The following ANK2 variants were observed in gnomAD, a reference collection of about 807,000 sequenced individuals.
The protein encoded by ANK2 is ankyrin-2.
Under a neutral mutation model 360.5 loss-of-function variants are expected in ANK2, and 83 were observed. The ratio of observed to expected loss-of-function variants is 0.23; its 90% CI spans 0.19 to 0.28. ANK2 has a LOEUF of 0.28. Among genes scored for constraint, ANK2 ranks in the 10% least tolerant of loss-of-function variants. The pLI, the probability that ANK2 is intolerant of heterozygous loss-of-function variation, is 1.00. For synonymous variants in ANK2, 1,740 were observed against 1,759.5 expected (o/e 0.99, Z 0.28); for missense variants, 4,201 against 4,795.7 (o/e 0.88, Z 3.66).
rs1236538302 is a variant in ANK2, at chr4:112,842,306, G to A, written c.-40+24042G>A. Among the ~76,000 whole-genome samples, 6 of 152,254 alleles carry A rather than the reference G, an allele frequency of 3.9e-5. No homozygotes were observed. The South Asian group carries it at 8.3e-4, about 21-fold the overall frequency. ...ATTACAGGCGTGAGCTACCACGCCCGGCCCAAATTATTTTCAATGTTGACA... is the reference window on the plus strand; with the variant it reads ...ATTACAGGCGTGAGCTACCACGCCCAGCCCAAATTATTTTCAATGTTGACA... On this transcript the variant is annotated intron_variant, in intron 1 of 30. Coordinates refer to the ANK2 transcript ENST00000503271.
chr4:113,249,876 A>G lies in ANK2; in HGVS notation c.990+14A>G, dbSNP rs2045192168. The G allele has an allele frequency of 6.2e-7, 1 of 1,608,714 alleles. No homozygotes were observed. Among genetic ancestry groups the G allele is most frequent in the Non-Finnish European group, 8.5e-7 (1 of 1,175,474 alleles). ...GCAAGGACTAAGGTGAGTCATTATG[A>G]GTAAGATGGGGTCCTAAGAAATCTT... On this transcript the variant is annotated intron_variant, in intron 10 of 45. Coordinates refer to ENST00000357077, the MANE Select transcript of ANK2 (RefSeq NM_001148.6).
At chr4:113,224,120 C>T (rs966997805) in intron 4 of ANK2, among the ~76,000 whole-genome samples, 2 of 152,162 alleles carry the variant, frequency 1.3e-5, no homozygotes, top group South Asian at 2.1e-4. Context: ...AAATCACGCA[C>T]CATCAATTCT....
chr4:112,744,693 A>G, the ANK2 span, among the ~76,000 whole-genome samples: 1 of 152,206 alleles, frequency 6.6e-6, no homozygotes, highest in Admixed American at 6.5e-5. Flanking sequence ...ATACTAGAGC[A>G]TCTTGAATTT....
At chr4:113,197,974 G>A (rs886325586) in intron 3 of ANK2, among the ~76,000 whole-genome samples, 1 of 152,134 alleles carries the variant, frequency 6.6e-6, no homozygotes, top group African/African-American at 2.4e-5. Flanking sequence ...GGAGTTTGAG[G>A]CTGCCACTGT....
chr4:113,249,764 G>A lies in ANK2; in HGVS notation c.892G>A (p.Asp298Asn). The A allele has an allele frequency of 6.2e-7, 1 of 1,614,046 alleles. No individual in the cohort carries two copies. Among genetic ancestry groups the A allele is most frequent in the Non-Finnish European group, 8.5e-7 (1 of 1,180,006 alleles). Residue 298 changes from aspartate (D) to asparagine (N), a missense_variant and splice_region_variant, in exon 10 of 46, where the codon GAT becomes AAT. Physicochemically the swap from Asp to Asn is conservative, Grantham distance 23. Around this residue, in one of 4 missense-constraint regions of ANK2, gnomAD observed 122 missense variants for 239.3 expected, o/e 0.51. Coordinates refer to ENST00000357077, the MANE Select transcript of ANK2 (RefSeq NM_001148.6). ...RGGQIDAKTR[D>N]GLTPLHCAAR... ...CCTAATTCTTTAATTCTTTTGGCAGGATGGGTTGACACCACTTCACTGTGC... is the reference window on the plus strand; with the variant it reads ...CCTAATTCTTTAATTCTTTTGGCAGAATGGGTTGACACCACTTCACTGTGC...
chr4:112,966,332 A>G (rs2037233660), intron 2 of ANK2, among the ~76,000 whole-genome samples: 1 of 151,790 alleles, frequency 6.6e-6, no homozygotes, highest in South Asian at 2.1e-4. Context: ...CTCTTTTAAT[A>G]TATATATTTT....
At chr4:113,144,805 T>G (rs1165475753) in intron 1 of ANK2, among the ~76,000 whole-genome samples, 3 of 146,822 alleles carry the variant, frequency 2.0e-5, no homozygotes, top group Non-Finnish European at 4.5e-5. Flanking sequence ...ATATAAAAAT[T>G]TATATATAAA....
chr4:112,879,322 ACTAGCTCTGGAGC>A (rs1361314276), intron 1 of ANK2, among the ~76,000 whole-genome samples: 3 of 152,176 alleles, frequency 2.0e-5, no homozygotes, highest in African/African-American at 7.2e-5. Context: ...CTCTTGGACC[ACTAGCTCTGGAGC>A]CAGCTGCCGT....
intron 18 of ANK2, among the ~76,000 whole-genome samples, chr4:113,287,252 A>G (rs1478044750): frequency 6.6e-6 from 1 of 152,228 alleles, no homozygotes; most frequent in Admixed American, 6.5e-5. Context: ...TTGATCAGCT[A>G]TTTAAATAAA....
chr4:113,012,165 G>A (rs1266392226), intron 2 of ANK2, among the ~76,000 whole-genome samples: 1 of 152,076 alleles, frequency 6.6e-6, no homozygotes, highest in East Asian at 1.9e-4. Flanking sequence ...GCCATTCAGG[G>A]GAAGGAGGAG....
the ANK2 span, among the ~76,000 whole-genome samples, chr4:112,719,915 G>A: frequency 6.6e-6 from 1 of 152,048 alleles, no homozygotes; most frequent in African/African-American, 2.4e-5. Flanking sequence ...GGCATTTTAG[G>A]CATTTTAGGG....
intron 4 of ANK2, among the ~76,000 whole-genome samples, chr4:113,206,917 A>G (rs572564901): frequency 6.6e-6 from 1 of 152,252 alleles, no homozygotes; most frequent in South Asian, 2.1e-4. Context: ...CCAGCTACTC[A>G]GGAGGCTGAG....
At chr4:113,112,232 G>A (rs189491453) in intron 1 of ANK2, among the ~76,000 whole-genome samples, 2 of 152,254 alleles carry the variant, frequency 1.3e-5, no homozygotes, top group African/African-American at 4.8e-5. Context: ...TTTATTTTCT[G>A]TCAAAGAGAG....
chr4:113,232,243 A>G lies in ANK2; in HGVS notation c.467A>G (p.Gln156Arg). 1 of 1,590,724 alleles carries G rather than the reference A, an allele frequency of 6.3e-7. No homozygotes were observed. Among genetic ancestry groups the G allele is most frequent in the Non-Finnish European group, 8.6e-7 (1 of 1,158,884 alleles). ...TATTTGCTGGAAAATGGAGCTAATC[A>G]GAGCACTGCTACAGAGGTAAGACTG... ...VKYLLENGANQSTATEDGFTP... is the reference protein window; with the variant it reads ...VKYLLENGANRSTATEDGFTP... Residue 156 changes from glutamine (Q) to arginine (R), a missense_variant, in exon 5 of 46, where the codon CAG (glutamine) becomes CGG (arginine). Gln to Arg is a conservative substitution (Grantham distance 43, BLOSUM62 1). Transcript: ENST00000357077.
intron 18 of ANK2, among the ~76,000 whole-genome samples, chr4:113,285,940 A>G (rs1318897753): frequency 1.3e-5 from 2 of 152,220 alleles, no homozygotes; most frequent in Non-Finnish European, 2.9e-5. Context: ...ACTGTGGACA[A>G]AAACCTATAT....
chr4:113,117,807 C>G (rs10022885), intron 1 of ANK2, among the ~76,000 whole-genome samples: 21 of 151,962 alleles, frequency 1.4e-4, no homozygotes, highest in Non-Finnish European at 2.4e-4. Flanking sequence ...CTCTATTACT[C>G]TATCTTTAGC....
chr4:113,163,917 A>G (rs896798143), intron 1 of ANK2, among the ~76,000 whole-genome samples: 16 of 152,112 alleles, frequency 1.1e-4, no homozygotes, highest in Non-Finnish European at 2.1e-4. Flanking sequence ...ATTTCAGAAC[A>G]TCTTTATCAC....
chr4:113,332,030 C>G lies in ANK2; in HGVS notation c.3184C>G (p.Arg1062Gly). Residue 1062 changes from arginine (R) to glycine (G), a missense_variant, in exon 28 of 46, where the codon CGC (arginine) becomes GGC (glycine). Arg to Gly is a moderately radical substitution (Grantham distance 125). This residue lies in a region of ANK2 where 1,268 missense variants were observed against 1,650.8 expected (regional missense o/e 0.77). Transcript: ENST00000357077. ...PLNEGESLVS[R>G]ILQLGPPGTK... is the part of the protein sequence containing the mutation. Reference sequence around the variant, plus strand: ...TAATGAGGGAGAAAGTTTGGTCAGCCGCATTCTTCAGCTGGGGCCTCCTGG... The same window carrying G: ...TAATGAGGGAGAAAGTTTGGTCAGCGGCATTCTTCAGCTGGGGCCTCCTGG... 6.2e-7 allele frequency: 1 copy of G among 1,614,138 alleles called. No individual in the cohort carries two copies. Among genetic ancestry groups the G allele is most frequent in the Non-Finnish European group, 8.5e-7 (1 of 1,180,022 alleles).
intron 4 of ANK2, among the ~76,000 whole-genome samples, chr4:113,219,879 G>A (rs1007829197): frequency 6.6e-6 from 1 of 152,010 alleles, no homozygotes; most frequent in African/African-American, 2.4e-5. Context: ...ATACCAACTA[G>A]GATACCTTCA....
Sources: gnomAD v4.1 joint callset for allele counts (sites outside exome capture counted in the v4.1 genomes callset) on GRCh38, gnomAD v4.1.1 for gene constraint, gnomAD v4.1.1 regional missense constraint, MANE v1.5 for transcripts, NCBI Gene and HGNC (gene_info 2026-07-23, HGNC 2026-07-21) for gene names.